Variants in AHCY observed in about 807,000 individuals in gnomAD.
The protein encoded by AHCY is S-adenosyl-L-homocysteine hydrolase.
AHCY carries 24 observed loss-of-function variants against 45.4 expected under a neutral mutation model. The observed-to-expected ratio is 0.53, with a 90% CI of 0.38 to 0.74. The LOEUF is 0.74. AHCY is among the 30% of genes least tolerant of loss of function. The pLI, the probability that AHCY is intolerant of heterozygous loss-of-function variation, is 0.00. For synonymous variants in AHCY, 245 were observed against 235.1 expected (o/e 1.04, Z -0.39); for missense variants, 449 against 594.1 (o/e 0.76, Z 2.54).
At chr20:34,264,301 C>T in the AHCY span, among the ~76,000 whole-genome samples, 1 of 152,156 alleles carries the variant, frequency 6.6e-6, no homozygotes, top group South Asian at 2.1e-4. Context: ...GTGAAGATAC[C>T]TCCTGTTGCC....
chr20:34,273,400 C>T, the AHCY span, among the ~76,000 whole-genome samples: 1 of 152,180 alleles, frequency 6.6e-6, no homozygotes, highest in Non-Finnish European at 1.5e-5. Flanking sequence ...GAAATGGTAG[C>T]ATCAAAAGTG....
intron 8 of AHCY, among the ~76,000 whole-genome samples, chr20:34,287,328 G>A (rs1479372723): frequency 8.5e-5 from 13 of 152,072 alleles, no homozygotes; most frequent in Non-Finnish European, 1.9e-4. Flanking sequence ...CTAAGAGTGT[G>A]GGCATTGCCT....
At chr20:34,241,632 TAAG>T in the AHCY span, 2 of 690,030 alleles carry the variant, frequency 2.9e-6, no homozygotes, top group East Asian at 2.7e-4. Context: ...TCAGAGTAGT[TAAG>T]AGGAGTTCAG....
chr20:34,291,654 G>A (rs184571542), intron 4 of AHCY, 123 bp from the exon 5 acceptor site: 2 of 901,244 alleles, frequency 2.2e-6, no homozygotes, highest in Non-Finnish European at 1.8e-6. Flanking sequence ...TGATCCCACA[G>A]GCCCCCCAAT....
chr20:34,268,510 C>T, the AHCY span, among the ~76,000 whole-genome samples: 1 of 152,074 alleles, frequency 6.6e-6, no homozygotes, highest in Non-Finnish European at 1.5e-5. Context: ...ATCACTTTAG[C>T]TCAAGAGTTT....
chr20:34,297,629 CAT>C (rs2036617558), intron 1 of AHCY, among the ~76,000 whole-genome samples: 1 of 152,092 alleles, frequency 6.6e-6, no homozygotes, highest in South Asian at 2.1e-4. Context: ...ATAAAAGACA[CAT>C]AGCACATTGC....
chr20:34,246,996 T>A, the AHCY span, among the ~76,000 whole-genome samples: 5 of 152,096 alleles, frequency 3.3e-5, no homozygotes. Flanking sequence ...TTTTTTTGTT[T>A]TTTGTTTTTT....
the AHCY span, among the ~76,000 whole-genome samples, chr20:34,258,345 T>C: frequency 7.5e-6 from 1 of 132,514 alleles, no homozygotes; most frequent in Non-Finnish European, 1.5e-5. Flanking sequence ...CGTTGGATAT[T>C]CTTTTTTTTT....
chr20:34,242,950 C>T, the AHCY span, among the ~76,000 whole-genome samples: 2 of 152,196 alleles, frequency 1.3e-5, no homozygotes, highest in African/African-American at 2.4e-5. Context: ...ATAAACAAAA[C>T]CAATATAGTA....
intron 8 of AHCY, among the ~76,000 whole-genome samples, chr20:34,286,766 G>A (rs1028016737): frequency 3.1e-4 from 47 of 150,700 alleles, no homozygotes; most frequent in Middle Eastern, 3.4e-3. Flanking sequence ...CCTGGGAAGC[G>A]GAGGTTGTGG....
chr20:34,252,927 C>T, the AHCY span, among the ~76,000 whole-genome samples: 1 of 152,188 alleles, frequency 6.6e-6, no homozygotes. Context: ...CTGCACAGCC[C>T]TAAATCCATT....
chr20:34,245,318 T>A, the AHCY span, among the ~76,000 whole-genome samples: 1 of 134,832 alleles, frequency 7.4e-6, no homozygotes, highest in Non-Finnish European at 1.6e-5. Flanking sequence ...TGGGCGACAG[T>A]GTGAGACTCT....
chr20:34,302,444 T>C (rs902500884), intron 1 of AHCY: 6 of 252,662 alleles, frequency 2.4e-5, no homozygotes, highest in Non-Finnish European at 3.7e-5. Context: ...TGCGTTCCAA[T>C]CTTGCTCCAT....
the AHCY span, among the ~76,000 whole-genome samples, chr20:34,236,287 C>T: frequency 6.6e-6 from 1 of 152,182 alleles, no homozygotes; most frequent in African/African-American, 2.4e-5. Context: ...CGCCTATAAT[C>T]CCAGCACTTT....
intron 1 of AHCY, among the ~76,000 whole-genome samples, chr20:34,297,373 C>T (rs1050510177): frequency 1.3e-5 from 2 of 152,024 alleles, no homozygotes; most frequent in African/African-American, 2.4e-5. Context: ...CCCACTGCAA[C>T]CTCCACCTCT....
chr20:34,256,052 C>G, the AHCY span, among the ~76,000 whole-genome samples: 8 of 152,256 alleles, frequency 5.3e-5, no homozygotes, highest in African/African-American at 1.7e-4. Context: ...TGTTCCACCC[C>G]GTACACCTGG....
chr20:34,302,190 A>G (rs1490678097), intron 1 of AHCY, among the ~76,000 whole-genome samples: 2 of 152,062 alleles, frequency 1.3e-5, no homozygotes, highest in Admixed American at 6.5e-5. Flanking sequence ...TGGTAGAGAT[A>G]GCGTTTCACC....
Position 34,284,611 on chromosome 20 carries a change from A to C in AHCY, c.1167+829T>G, listed in dbSNP as rs1017071088. ...CGAGGCGGGTGGATCACTTGAAATC[A>C]GGAGTTCGAGACCAGTCTGGCCAAT... On this transcript the variant is annotated intron_variant, in intron 9 of 9. Coordinates refer to ENST00000217426, the MANE Select transcript of AHCY (RefSeq NM_000687.4). 2.0e-5 allele frequency among the ~76,000 whole-genome samples: 3 copies of C among 152,136 alleles called. No individual in the cohort carries two copies. In the East Asian group the frequency reaches 5.8e-4, roughly 29 times the overall value.
intron 9 of AHCY, chr20:34,281,515 C>A: frequency 2.7e-6 from 1 of 365,524 alleles, no homozygotes; most frequent in Non-Finnish European, 5.3e-6. Flanking sequence ...GGTGCTCCAA[C>A]CCCACTGGGA....
Sources: gnomAD v4.1 joint callset for allele counts (sites outside exome capture counted in the v4.1 genomes callset) on GRCh38, gnomAD v4.1.1 for gene constraint, MANE v1.5 for transcripts, NCBI Gene and HGNC (gene_info 2026-07-23, HGNC 2026-07-21) for gene names.